Variants in PCLO observed in about 807,000 individuals in gnomAD.
The protein encoded by PCLO is protein piccolo.
Under a neutral mutation model 427.5 loss-of-function variants are expected in PCLO, and 82 were observed. The ratio of observed to expected loss-of-function variants is 0.19; its 90% CI spans 0.16 to 0.23. The LOEUF (loss-of-function observed/expected upper bound fraction) is 0.23, where lower values mean the gene tolerates loss of function less well. PCLO is among the 10% of genes least tolerant of loss of function. PCLO has a pLI of 1.00. For synonymous variants in PCLO, 2,357 were observed against 2,155.4 expected (o/e 1.09, Z -2.59); for missense variants, 6,239 against 6,115.9 (o/e 1.02, Z -0.67).
intron 3 of PCLO, among the ~76,000 whole-genome samples, chr7:83,039,982 A>G (rs1788931680): frequency 6.6e-6 from 1 of 152,170 alleles, no homozygotes; most frequent in Admixed American, 6.6e-5. Flanking sequence ...TTGCAAATAC[A>G]GAGAAATTAA....
chr7:82,935,661 G>A (rs1172895987), intron 6 of PCLO, among the ~76,000 whole-genome samples: 1 of 151,574 alleles, frequency 6.6e-6, no homozygotes, highest in African/African-American at 2.4e-5. Flanking sequence ...TTACATTTAT[G>A]CCAAAAGTGA....
intron 3 of PCLO, among the ~76,000 whole-genome samples, chr7:82,981,208 G>T (rs1364043522): frequency 6.6e-6 from 1 of 151,554 alleles, no homozygotes; most frequent in Non-Finnish European, 1.5e-5. Context: ...TCTGGGGGTG[G>T]GAGGGACATA....
chr7:82,858,600 A>G (rs1018247542), intron 10 of PCLO, among the ~76,000 whole-genome samples: 6 of 152,212 alleles, frequency 3.9e-5, no homozygotes, highest in Non-Finnish European at 8.8e-5. Context: ...CAAATTCAGT[A>G]AAGTTACAGG....
intron 8 of PCLO, among the ~76,000 whole-genome samples, chr7:82,904,908 A>G (rs1794148654): frequency 6.6e-6 from 1 of 152,080 alleles, no homozygotes. Context: ...TTAATAAATC[A>G]GAAACACAAA....
intron 1 of PCLO, among the ~76,000 whole-genome samples, chr7:83,160,098 C>T (rs933525462): frequency 1.3e-5 from 2 of 152,130 alleles, no homozygotes; most frequent in African/African-American, 4.8e-5. Flanking sequence ...TATTGCCACT[C>T]TTTACATTTG....
intron 22 of PCLO, among the ~76,000 whole-genome samples, chr7:82,767,511 G>C (rs370143095): frequency 6.6e-6 from 1 of 151,944 alleles, no homozygotes; most frequent in African/African-American, 2.4e-5. Context: ...AAACATCATG[G>C]TACAAAATGA....
intron 3 of PCLO, among the ~76,000 whole-genome samples, chr7:83,050,747 TA>T (rs71522639): frequency 0.011 from 1,491 of 141,472 alleles, 11 homozygotes; most frequent in African/African-American, 0.013. Context: ...TACTAAAAAT[TA>T]AAAAAAAAAA....
chr7:83,161,453 T>C (rs746248935), intron 1 of PCLO, among the ~76,000 whole-genome samples: 4 of 152,206 alleles, frequency 2.6e-5, no homozygotes, highest in African/African-American at 7.2e-5. Flanking sequence ...ACAATGATTA[T>C]ACCCCTCTCA....
At chr7:82,920,427 T>A (rs894741716) in intron 6 of PCLO, among the ~76,000 whole-genome samples, 2 of 151,614 alleles carry the variant, frequency 1.3e-5, no homozygotes, top group Non-Finnish European at 3.0e-5. Flanking sequence ...AAAATTGTAC[T>A]AAATATACTG....
In PCLO at chr7:82,953,596, T is replaced by C. The variant is rs1191880880; in HGVS notation, c.7357A>G (p.Thr2453Ala). Residue 2453 changes from threonine (T) to alanine (A), a missense_variant, in exon 5 of 25, where the codon ACA becomes GCA. Transcript: ENST00000333891. ...GTAGTAACAGCATCAAACAGAGGTG[T>C]AGCTGTAGTCACTGGAGATGCAACT... ...LTVASPVTTA[T>A]PLFDAVTTLE... The C allele has an allele frequency of 6.2e-7, 1 of 1,612,328 alleles. No homozygotes were observed. The highest frequency in any genetic ancestry group is 1.7e-5 in the Admixed American group (1 of 59,890).
intron 6 of PCLO, among the ~76,000 whole-genome samples, chr7:82,918,412 T>A (rs1794518097): frequency 6.6e-6 from 1 of 152,058 alleles, no homozygotes; most frequent in African/African-American, 2.4e-5. Context: ...TAGAAAACTA[T>A]GGTTTCTTGA....
At chr7:83,088,999 C>A (rs56157875) in intron 3 of PCLO, among the ~76,000 whole-genome samples, 6 of 151,872 alleles carry the variant, frequency 4.0e-5, no homozygotes, top group African/African-American at 7.3e-5. Context: ...TTGTAAGTCC[C>A]TTCAATAGAA....
At chr7:83,065,614 G>A (rs1337147255) in intron 3 of PCLO, among the ~76,000 whole-genome samples, 1 of 151,244 alleles carries the variant, frequency 6.6e-6, no homozygotes, top group Non-Finnish European at 1.5e-5. Context: ...AATAAACTTT[G>A]TTTTAAAGCA....
At chr7:82,879,671 T>C (rs1205553435) in intron 9 of PCLO, among the ~76,000 whole-genome samples, 2 of 152,172 alleles carry the variant, frequency 1.3e-5, no homozygotes, top group Non-Finnish European at 2.9e-5. Flanking sequence ...TCTCCAATGA[T>C]TGACCTGATA....
At chr7:82,789,846 A>G (rs903538636) in intron 22 of PCLO, among the ~76,000 whole-genome samples, 3 of 152,146 alleles carry the variant, frequency 2.0e-5, no homozygotes, top group African/African-American at 7.2e-5. Context: ...GCTTTTCATC[A>G]TGTTCGAACA....
In PCLO at chr7:82,918,446, C is replaced by T. The variant is rs73385956; in HGVS notation, c.11113-1573G>A. On this transcript the variant is annotated intron_variant, in intron 6 of 24. Coordinates refer to ENST00000333891, the MANE Select transcript of PCLO (RefSeq NM_033026.6). ...GATTAACCCACATTCTAGATCTTTA[C>T]ATATTCTTTCACTTGTAAAAAAGTA... 1.6e-3 allele frequency among the ~76,000 whole-genome samples: 236 copies of T among 151,998 alleles called. 2 individuals are homozygous for T. The highest frequency in any genetic ancestry group is 5.3e-3 in the African/African-American group (218 of 41,498).
At chr7:82,910,505 G>A (rs1794296659) in intron 7 of PCLO, among the ~76,000 whole-genome samples, 1 of 152,078 alleles carries the variant, frequency 6.6e-6, no homozygotes, top group African/African-American at 2.4e-5. Context: ...ATATGTACTT[G>A]ACTGATCTCA....
chr7:82,772,646 G>A (rs1382945422), intron 22 of PCLO, among the ~76,000 whole-genome samples: 1 of 152,124 alleles, frequency 6.6e-6, no homozygotes, highest in African/African-American at 2.4e-5. Context: ...TCTGTATTCT[G>A]TTATATAAAG....
chr7:83,006,045 A>G (rs888640483), intron 3 of PCLO, among the ~76,000 whole-genome samples: 1 of 151,642 alleles, frequency 6.6e-6, no homozygotes, highest in African/African-American at 2.4e-5. Flanking sequence ...ATGACACTTG[A>G]TTTTAACTGT....
Sources: allele counts gnomAD v4.1 joint callset (sites outside exome capture counted in the v4.1 genomes callset), GRCh38; gene constraint gnomAD v4.1.1; transcripts MANE v1.5; gene names NCBI Gene and HGNC (gene_info 2026-07-23, HGNC 2026-07-21).